The following KDM3B variants were observed in gnomAD, a reference collection of about 807,000 sequenced individuals.
The protein encoded by KDM3B is lysine demethylase 3B, also known as lysine-specific demethylase 3B.
Under a neutral mutation model 170.0 loss-of-function variants are expected in KDM3B, and 10 were observed. The observed-to-expected ratio is 0.06, with a 90% CI of 0.04 to 0.10. KDM3B has a LOEUF of 0.10. KDM3B is among the 10% of genes least tolerant of loss of function. The probability of loss-of-function intolerance (pLI) is 1.00; values close to 1 mark genes in which losing one functional copy is unlikely to be tolerated. For missense variants in KDM3B, 1,394 were observed against 2,195.2 expected (o/e 0.64, Z 7.29); for synonymous variants, 831 against 834.8 (o/e 1.00, Z 0.08).
chr5:138,383,978 CA>C (rs1352687477), intron 6 of KDM3B, among the ~76,000 whole-genome samples: 1 of 150,784 alleles, frequency 6.6e-6, no homozygotes, highest in Admixed American at 6.6e-5. Flanking sequence ...AAATCAAGGC[CA>C]GGCGCGGTGG....
chr5:138,396,175 A>C (rs1209875170), intron 9 of KDM3B, among the ~76,000 whole-genome samples: 1 of 151,770 alleles, frequency 6.6e-6, no homozygotes, highest in Non-Finnish European at 1.5e-5. Context: ...GGCTCACTGC[A>C]ATCTCCGCCT....
intron 5 of KDM3B, among the ~76,000 whole-genome samples, chr5:138,380,657 A>G (rs1762104207): frequency 6.6e-6 from 1 of 152,212 alleles, no homozygotes; most frequent in Non-Finnish European, 1.5e-5. Context: ...ATTTATATGT[A>G]TAATTGCTAG....
Position 138,419,966 on chromosome 5 carries a change from A to G in KDM3B, c.3715+734A>G, listed in dbSNP as rs537440413. On this transcript the variant is annotated intron_variant, in intron 14 of 23. Transcript: ENST00000314358. The stretch of plus-strand genomic sequence containing the variant: ...AGTGGCGCGATCTTGGCTCACTGCA[A>G]CCTCCGTCTCCCAGGTTCAAGTGAT... Among the ~76,000 whole-genome samples, 793 of 151,954 alleles carry G rather than the reference A, an allele frequency of 5.2e-3. 8 individuals are homozygous for G. Among genetic ancestry groups the G allele is most frequent in the Non-Finnish European group, 6.4e-3 (434 of 67,960 alleles).
chr5:138,367,206 T>C (rs1330520620), intron 1 of KDM3B, among the ~76,000 whole-genome samples: 1 of 152,214 alleles, frequency 6.6e-6, no homozygotes, highest in East Asian at 1.9e-4. Context: ...TCTGTACCTC[T>C]CTGTTGGGCT....
At chr5:138,409,843 T>C (rs1181911172) in intron 11 of KDM3B, among the ~76,000 whole-genome samples, 2 of 152,342 alleles carry the variant, frequency 1.3e-5, no homozygotes, top group East Asian at 3.9e-4. Context: ...ATCCTAGCGC[T>C]TCGGGAGGCC....
intron 11 of KDM3B, among the ~76,000 whole-genome samples, chr5:138,410,384 C>T (rs1200144442): frequency 6.6e-6 from 1 of 151,920 alleles, no homozygotes; most frequent in Non-Finnish European, 1.5e-5. Context: ...AGAAGTAAAC[C>T]CACACATACA....
At chr5:138,420,349 C>T (rs1481811631) in intron 14 of KDM3B, among the ~76,000 whole-genome samples, 2 of 152,206 alleles carry the variant, frequency 1.3e-5, no homozygotes, top group Non-Finnish European at 2.9e-5. Flanking sequence ...ATCAGAATCT[C>T]TGGGGGTAAA....
At chr5:138,420,375 C>T (rs1316483985) in intron 14 of KDM3B, among the ~76,000 whole-genome samples, 2 of 152,168 alleles carry the variant, frequency 1.3e-5, no homozygotes, top group African/African-American at 4.8e-5. Context: ...CCATTTTTAA[C>T]AAGCACTCCA....
chr5:138,400,293 G>A (rs987917315), intron 11 of KDM3B, among the ~76,000 whole-genome samples: 4 of 151,628 alleles, frequency 2.6e-5, no homozygotes, highest in Non-Finnish European at 5.9e-5. Context: ...GGAGCGCAGC[G>A]GCACAATCAT....
intron 11 of KDM3B, among the ~76,000 whole-genome samples, chr5:138,403,431 T>C (rs561806175): frequency 6.6e-6 from 1 of 152,076 alleles, no homozygotes; most frequent in African/African-American, 2.4e-5. Context: ...ATCTCAGCAC[T>C]TTGGGAGGCC....
chr5:138,373,724 G>T (rs1278362862), intron 2 of KDM3B, among the ~76,000 whole-genome samples: 1 of 151,876 alleles, frequency 6.6e-6, no homozygotes, highest in Non-Finnish European at 1.5e-5. Context: ...GTCTCAAGCA[G>T]TCCACCTGCT....
rs557259968 is a variant in KDM3B at position 138,363,695 on chromosome 5, C to T, written c.193-8979C>T. ...CTGAGTAGCTGGGATTACAGGCTCC[C>T]GCCACCACACCCGGATAATTTTTTG... is the stretch of plus-strand genomic sequence containing the variant. On this transcript the variant is annotated intron_variant, in intron 1 of 23. Transcript: ENST00000314358. 4.0e-5 allele frequency among the ~76,000 whole-genome samples: 6 copies of T among 151,622 alleles called. No homozygotes were observed. The South Asian group carries it at 1.0e-3, about 26-fold the overall frequency.
intron 9 of KDM3B, among the ~76,000 whole-genome samples, chr5:138,394,605 A>G (rs919620329): frequency 3.3e-5 from 5 of 152,218 alleles, no homozygotes; most frequent in Admixed American, 6.5e-5. Flanking sequence ...TGGTGTGTCC[A>G]TAAAGTTAGG....
At chr5:138,382,451 CA>C (rs918018374) in intron 6 of KDM3B, among the ~76,000 whole-genome samples, 4 of 147,376 alleles carry the variant, frequency 2.7e-5, no homozygotes, top group Non-Finnish European at 3.0e-5. Flanking sequence ...GACTCCGTCT[CA>C]AAAAAAAAAG....
intron 10 of KDM3B, 74 bp from the exon 11 acceptor site, chr5:138,399,786 G>C: frequency 7.3e-7 from 1 of 1,378,304 alleles, no homozygotes; most frequent in Non-Finnish European, 1.0e-6. Flanking sequence ...AGCTTGAGTA[G>C]GGATCAGTGG....
At chr5:138,413,112 A>G (rs768997109) in intron 11 of KDM3B, among the ~76,000 whole-genome samples, 1 of 152,146 alleles carries the variant, frequency 6.6e-6, no homozygotes, top group Non-Finnish European at 1.5e-5. Context: ...TTGGCCAGGC[A>G]TGTTGGCTCA....
intron 11 of KDM3B, among the ~76,000 whole-genome samples, chr5:138,400,776 T>G (rs1482708191): frequency 6.6e-6 from 1 of 151,844 alleles, no homozygotes; most frequent in Non-Finnish European, 1.5e-5. Context: ...TCTACAAGGT[T>G]GTACAGCCAT....
chr5:138,417,323 C>T (rs1264530229), intron 12 of KDM3B, among the ~76,000 whole-genome samples, 160 bp from the exon 13 acceptor site: 1 of 152,182 alleles, frequency 6.6e-6, no homozygotes, highest in South Asian at 2.1e-4. Context: ...CTAACTTCTT[C>T]TCTCAGCCTC....
At chr5:138,433,051 GT>G (rs1165747695) in intron 23 of KDM3B, among the ~76,000 whole-genome samples, 2 of 149,024 alleles carry the variant, frequency 1.3e-5, no homozygotes, top group African/African-American at 2.5e-5. Context: ...GCCTGAAGAG[GT>G]TTTTCTTAAT....
Sources: gnomAD v4.1 joint callset for allele counts (sites outside exome capture counted in the v4.1 genomes callset) on GRCh38, gnomAD v4.1.1 for gene constraint, MANE v1.5 for transcripts, NCBI Gene and HGNC (gene_info 2026-07-23, HGNC 2026-07-21) for gene names.